Variants in KRTCAP3 observed in about 807,000 individuals in gnomAD.
The protein encoded by KRTCAP3 is keratinocyte-associated protein 3.
A neutral mutation model predicts 20.5 loss-of-function variants in KRTCAP3; 18 were observed. The ratio of observed to expected loss-of-function variants is 0.88; its 90% CI spans 0.61 to 1.31. The LOEUF (loss-of-function observed/expected upper bound fraction) is 1.31. Among genes scored for constraint, KRTCAP3 ranks in the 50% most tolerant of loss-of-function variants. The pLI, the probability that KRTCAP3 is intolerant of heterozygous loss-of-function variation, is 0.00. For synonymous variants in KRTCAP3, 167 were observed against 133.7 expected (o/e 1.25, Z -1.72); for missense variants, 347 against 310.4 (o/e 1.12, Z -0.89).
At chr2:27,444,320 G>T, downstream of KRTCAP3, 1 of 696,076 alleles carries the variant, frequency 1.4e-6, no homozygotes, top group South Asian at 1.8e-5. Context: ...TCCTTTTGGG[G>T]AAAAGGCACT....
rs758117368 is a variant in KRTCAP3, at chr2:27,442,609, G to A, written c.59G>A (p.Arg20His). The change falls in exon 2 of 7, where the codon CGT (arginine) becomes CAT (histidine). Residue 20 changes from arginine (R) to histidine (H), a missense_variant. Arg to His is a conservative substitution (Grantham distance 29). Coordinates refer to ENST00000288873, the MANE Select transcript of KRTCAP3 (RefSeq NM_173853.4). ...DAARGPRRLMRVGLALILVGH... is the reference protein window; with the variant it reads ...DAARGPRRLMHVGLALILVGH... Reference sequence around the variant, plus strand: ...GCCCGGGGGCCCAGGCGGCTGATGCGTGTGGGCCTCGCGCTGATCTTGGTG... The same window carrying A: ...GCCCGGGGGCCCAGGCGGCTGATGCATGTGGGCCTCGCGCTGATCTTGGTG... The A allele has an allele frequency of 3.8e-6, 6 of 1,561,482 alleles. No homozygotes were observed. Among genetic ancestry groups the A allele is most frequent in the Non-Finnish European group, 5.2e-6 (6 of 1,155,060 alleles).
At chr2:27,442,509 G>T (rs1262627186) in intron 1 of KRTCAP3, 69 bp downstream of exon 1, 3 of 1,531,210 alleles carry the variant, frequency 2.0e-6, no homozygotes, top group African/African-American at 2.7e-5. Context: ...TACTGCCCGC[G>T]GTTAACCCGC....
chr2:27,445,931 CG>C, downstream of KRTCAP3: 1 of 1,614,224 alleles, frequency 6.2e-7, no homozygotes. This position sits in a 1 kb window ranked among gnomAD's most constrained non-coding sequence, Gnocchi z 4.4. Flanking sequence ...CTACTCACAT[CG>C]GTCAGGTCCA....
At chr2:27,445,175 T>A, downstream of KRTCAP3, 1 of 1,600,796 alleles carries the variant, frequency 6.2e-7, no homozygotes, top group South Asian at 1.1e-5. This position sits in a 1 kb window ranked among gnomAD's most constrained non-coding sequence, Gnocchi z 4.4. Flanking sequence ...AGGAGCAGCC[T>A]GGGGGGTAGA....
At chr2:27,444,435 C>CT, downstream of KRTCAP3, 2 of 1,608,598 alleles carry the variant, frequency 1.2e-6, no homozygotes, top group African/African-American at 2.7e-5. Context: ...CTACCAACTA[C>CT]TGAAAGGAAA....
chr2:27,443,406 C>T lies in KRTCAP3; in HGVS notation c.489C>T (p.Ala163=). Residue 163 remains alanine, a synonymous_variant, in exon 5 of 7, where the codon GCC becomes GCT. Coordinates refer to ENST00000288873, the MANE Select transcript of KRTCAP3 (RefSeq NM_173853.4). ...PFDPTRIYDT[A]LALWIPSLLM... Reference sequence around the variant, plus strand: ...TCCTTCTTGCTTTTCAGGATACAGCCTTGGCTCTCTGGATCCCTTCTTTGC... The same window carrying T: ...TCCTTCTTGCTTTTCAGGATACAGCTTTGGCTCTCTGGATCCCTTCTTTGC... 6.2e-7 allele frequency: 1 copy of T among 1,614,190 alleles called. No homozygotes were observed. The highest frequency in any genetic ancestry group is 2.2e-5 in the East Asian group (1 of 44,880).
downstream of KRTCAP3, chr2:27,445,443 C>T (rs370504937): frequency 3.1e-6 from 5 of 1,610,248 alleles, no homozygotes; most frequent in African/African-American, 1.3e-5. This position sits in a 1 kb window ranked among gnomAD's most constrained non-coding sequence, Gnocchi z 4.4. Context: ...TCTTCTCTCT[C>T]AGCCTCCTGG....
Position 27,442,741 on chromosome 2 carries a change from T to C in KRTCAP3, c.191T>C (p.Ile64Thr), listed in dbSNP as rs1432778049. 6 of 1,604,972 alleles carry C rather than the reference T, an allele frequency of 3.7e-6. No homozygotes were observed. The highest frequency in any genetic ancestry group is 3.4e-5 in the Admixed American group (2 of 59,292). Reference protein sequence around the residue: ...VTPEYTVANVISVGSGLLSVS... With the variant: ...VTPEYTVANVTSVGSGLLSVS... The stretch of plus-strand genomic sequence containing the variant: ...CCGGAGTACACCGTAGCCAATGTCA[T>C]CTCTGTCGGCTCGGGGCTGCTGGTG... Residue 64 changes from isoleucine to threonine, a missense_variant, in exon 2 of 7, where the codon ATC becomes ACC. Coordinates refer to ENST00000288873, the MANE Select transcript of KRTCAP3 (RefSeq NM_173853.4).
rs755372600 is a variant in KRTCAP3 at position 27,444,002 on chromosome 2, G to A, written c.669G>A (p.Glu223=). 6.2e-7 allele frequency: 1 copy of A among 1,613,850 alleles called. No homozygotes were observed. The highest frequency in any genetic ancestry group is 8.5e-7 in the Non-Finnish European group (1 of 1,179,814). ...ESPKCKRQEN[E]QLLDQNQEIR... The stretch of plus-strand genomic sequence containing the variant: ...CTAAATGTAAAAGGCAGGAAAATGA[G>A]CAGCTACTGGATCAAAATCAAGAAA... Residue 223 remains glutamate, a synonymous_variant, in exon 6 of 7, where the codon GAG becomes GAA. Coordinates refer to ENST00000288873, the MANE Select transcript of KRTCAP3 (RefSeq NM_173853.4).
chr2:27,444,471 C>T, downstream of KRTCAP3: 1 of 1,613,676 alleles, frequency 6.2e-7, no homozygotes. Flanking sequence ...GCCCTCCACA[C>T]CACTGACTGA....
chr2:27,442,795 G>A (rs199618783), intron 2 of KRTCAP3, 32 bp downstream of exon 2: 5 of 1,611,280 alleles, frequency 3.1e-6, no homozygotes, highest in African/African-American at 2.7e-5. Flanking sequence ...GGCGGGGGCC[G>A]GGCTCCCGGA....
At chr2:27,442,955 G>A in intron 3 of KRTCAP3, 54 bp downstream of exon 3, 1 of 1,594,106 alleles carries the variant, frequency 6.3e-7, no homozygotes, top group South Asian at 1.1e-5. Flanking sequence ...CAGGGAAATG[G>A]GGGCTGACTG....
At chr2:27,442,802 C>G (rs201863362) in intron 2 of KRTCAP3, 39 bp downstream of exon 2, 2 of 1,611,460 alleles carry the variant, frequency 1.2e-6, no homozygotes, top group African/African-American at 1.3e-5. Flanking sequence ...GCCGGGCTCC[C>G]GGAGAGCCCA....
chr2:27,443,378 C>T lies in KRTCAP3; in HGVS notation c.481-20C>T, dbSNP rs762869114. 2.4e-5 allele frequency: 39 copies of T among 1,614,058 alleles called. No individual in the cohort carries two copies. Among genetic ancestry groups the T allele is most frequent in the Non-Finnish European group, 3.0e-5 (35 of 1,180,018 alleles). ...CACTTGCCCTACTCCCTCCTACTCC[C>T]CATCCTTCTTGCTTTTCAGGATACA... is the stretch of plus-strand genomic sequence containing the variant. On this transcript the variant is annotated intron_variant, in intron 4 of 6. Coordinates refer to ENST00000288873, the MANE Select transcript of KRTCAP3 (RefSeq NM_173853.4).
intron 5 of KRTCAP3, 35 bp from the exon 6 acceptor site, chr2:27,443,914 A>G (rs1168862926): frequency 4.3e-6 from 5 of 1,154,996 alleles, no homozygotes; most frequent in South Asian, 1.2e-5. Flanking sequence ...CCTATCATTC[A>G]GGGCGAGGGT....
chr2:27,446,251 C>G (rs375261962), downstream of KRTCAP3: 372 of 1,613,728 alleles, frequency 2.3e-4, no homozygotes, highest in African/African-American at 4.4e-3. Context: ...CTTCCTTGTC[C>G]CAGCTCACCT....
At chr2:27,446,407 C>G (rs1255613478), downstream of KRTCAP3, 1 of 1,500,552 alleles carries the variant, frequency 6.7e-7, no homozygotes. Flanking sequence ...GACTGAGCTA[C>G]CAGACCAATG....
At chr2:27,442,539 C>T in intron 1 of KRTCAP3, 40 bp from the exon 2 acceptor site, 9 of 1,533,864 alleles carry the variant, frequency 5.9e-6, no homozygotes, top group Non-Finnish European at 7.9e-6. Flanking sequence ...CCTCTCCCCT[C>T]CCCGCCCGAC....
chr2:27,445,021 G>T, downstream of KRTCAP3: 1 of 1,613,874 alleles, frequency 6.2e-7, no homozygotes, highest in Non-Finnish European at 8.5e-7. This position sits in a 1 kb window ranked among gnomAD's most constrained non-coding sequence, Gnocchi z 4.4. Context: ...AACCTTGATG[G>T]CCATAAGGAA....
Sources: allele counts gnomAD v4.1 joint callset, GRCh38; gene constraint gnomAD v4.1.1; non-coding constraint Gnocchi (gnomAD v3.1); transcripts MANE v1.5; gene names NCBI Gene and HGNC (gene_info 2026-07-23, HGNC 2026-07-21).